The following RTEL1 variants were observed in gnomAD, a reference collection of about 807,000 sequenced individuals.
RTEL1 encodes regulator of telomere length.
In RTEL1, 86 loss-of-function variants were observed where a neutral mutation model predicts 162.2. That is an observed-to-expected ratio of 0.53 (90% CI 0.45 to 0.63). RTEL1 has a LOEUF of 0.63. Ranked by LOEUF, RTEL1 falls within the 30% of genes least tolerant of loss-of-function variation. RTEL1 has a pLI of 0.00. For synonymous variants in RTEL1, 958 were observed against 717.9 expected, an observed-to-expected ratio of 1.33 and a Z score of -5.35; for missense variants, 1,941 against 1,750.2, an observed-to-expected ratio of 1.11 and a Z score of -1.95.
intron 27 of RTEL1, among the ~76,000 whole-genome samples, chr20:63,691,209 C>T (rs995799900): frequency 2.0e-5 from 3 of 152,044 alleles, no homozygotes; most frequent in Admixed American, 6.5e-5. Context: ...GGTTCTCTGG[C>T]GGGTCAGCTT....
At chr20:63,659,565 G>A in intron 2 of RTEL1, 61 bp downstream of exon 2, 2 of 1,283,270 alleles carry the variant, frequency 1.6e-6, no homozygotes, top group South Asian at 1.2e-5. Flanking sequence ...AGGACGGGGT[G>A]TGCTTCCCTC....
chr20:63,690,791 G>A lies in RTEL1; in HGVS notation c.2414-14G>A, dbSNP rs770111225. 133 of 1,595,930 alleles carry A rather than the reference G, an allele frequency of 8.3e-5. No individual in the cohort carries two copies. Among genetic ancestry groups the A allele is most frequent in the Non-Finnish European group, 1.1e-4 (126 of 1,173,294 alleles). On this transcript the variant is annotated splice_polypyrimidine_tract_variant and intron_variant, in intron 26 of 34. Transcript: ENST00000360203. ...CCCCCGTGGGCTTCACTGCGCACTC[G>A]GGTGCCCCTGCAGGGTCACCAGCTG... is the stretch of plus-strand genomic sequence containing the variant.
chr20:63,689,130 A>C lies in RTEL1; in HGVS notation c.1876A>C (p.Lys626Gln). ...GATFLAVCRG[K>Q]ASEGLDFSDT... ...CACCTTCCTGGCGGTCTGCCGGGGCAAGGTGAGCTCTCCAGGGCCCTCTGC... is the reference window on the plus strand; with the variant it reads ...CACCTTCCTGGCGGTCTGCCGGGGCCAGGTGAGCTCTCCAGGGCCCTCTGC... The change falls in exon 22 of 35, where the codon AAG (lysine) becomes CAG (glutamine). Residue 626 changes from lysine to glutamine, a missense_variant and splice_region_variant. By Grantham distance (53) the Lys-to-Gln change is moderately conservative. Transcript: ENST00000360203. 2 of 1,608,814 alleles carry C rather than the reference A, an allele frequency of 1.2e-6. No individual in the cohort carries two copies. Among genetic ancestry groups the C allele is most frequent in the Non-Finnish European group, 1.7e-6 (2 of 1,179,798 alleles).
At chr20:63,689,420 C>T (rs866197051) in intron 22 of RTEL1, 82 bp from the exon 23 acceptor site, 78 of 1,429,436 alleles carry the variant, frequency 5.5e-5, no homozygotes, top group Non-Finnish European at 6.2e-5. Flanking sequence ...GACGGAGCCT[C>T]GGGGAAGGTG....
intron 30 of RTEL1, among the ~76,000 whole-genome samples, chr20:63,693,484 C>CCACCAGCACCAGCAG (rs2090844159): frequency 1.1e-5 from 1 of 86,976 alleles, no homozygotes; most frequent in Middle Eastern, 5.8e-3. Flanking sequence ...TCCACCTCCA[C>CCACCAGCACCAGCAG]CACCACCTCC....
intron 6 of RTEL1, among the ~76,000 whole-genome samples, chr20:63,665,455 GC>G (rs904100053): frequency 6.6e-6 from 1 of 152,226 alleles, no homozygotes; most frequent in Non-Finnish European, 1.5e-5. Context: ...GCCAGTACAG[GC>G]AGTGTCCTTT....
chr20:63,666,156 T>C, intron 7 of RTEL1, 77 bp downstream of exon 7: 1 of 1,134,922 alleles, frequency 8.8e-7, no homozygotes, highest in South Asian at 1.3e-5. Context: ...GGCCCGGATA[T>C]ATTTCTTCAC....
chr20:63,691,232 T>G (rs1341131751), intron 27 of RTEL1, among the ~76,000 whole-genome samples: 1 of 151,670 alleles, frequency 6.6e-6, no homozygotes, highest in African/African-American at 2.4e-5. Context: ...CTCAGTGCAC[T>G]CAAGGTCGGG....
chr20:63,666,682 C>T (rs1300154715), intron 7 of RTEL1, among the ~76,000 whole-genome samples: 1 of 151,912 alleles, frequency 6.6e-6, no homozygotes, highest in African/African-American at 2.4e-5. Context: ...ACTGCAGGCA[C>T]ACACCACCAT....
chr20:63,678,236 G>C (rs199983541), intron 11 of RTEL1, 32 bp from the exon 12 acceptor site: 9 of 1,612,546 alleles, frequency 5.6e-6, no homozygotes, highest in Non-Finnish European at 7.6e-6. Context: ...TCCTCCTTGC[G>C]AGGAGGTGGG....
Position 63,693,019 on chromosome 20 carries a change from G to A in RTEL1, c.2851+16G>A. On this transcript the variant is annotated intron_variant, in intron 29 of 34. Coordinates refer to ENST00000360203, the MANE Select transcript of RTEL1 (RefSeq NM_001283009.2). ...CTGCTCCAAGGTGCCCTGGCTTGCA[G>A]AGGCCACCCACCCTGAGGGCAGTGC... 1 of 1,612,182 alleles carries A rather than the reference G, an allele frequency of 6.2e-7. No individual in the cohort carries two copies. The highest frequency in any genetic ancestry group is 1.1e-5 in the South Asian group (1 of 91,080).
At chr20:63,664,027 G>A (rs996220338) in intron 6 of RTEL1, among the ~76,000 whole-genome samples, 1 of 152,186 alleles carries the variant, frequency 6.6e-6, no homozygotes, top group Admixed American at 6.5e-5. Context: ...CCTCTGTGTT[G>A]CTTCTTGTTC....
At chr20:63,683,375 A>C (rs755325817) in intron 14 of RTEL1, among the ~76,000 whole-genome samples, 43 of 152,190 alleles carry the variant, frequency 2.8e-4, no homozygotes, top group Non-Finnish European at 5.3e-4. Flanking sequence ...CCCGTGGGCC[A>C]AATGCTTTGG....
intron 6 of RTEL1, 125 bp downstream of exon 6, chr20:63,663,014 G>T: frequency 1.1e-6 from 1 of 908,328 alleles, no homozygotes. Context: ...CATGTACCTG[G>T]GCCCTGTCTT....
In RTEL1 at chr20:63,694,917, C is replaced by T. The variant is rs547956753; in HGVS notation, c.3286C>T (p.Leu1096=). 2.4e-5 allele frequency: 39 copies of T among 1,612,640 alleles called. No homozygotes were observed. The East Asian group carries it at 4.7e-4, about 19-fold the overall frequency. ...YKQDDDLDKV[L]AVLAALTTAK... is the part of the protein sequence containing the mutation. ...GCAAGACGACGACCTCGACAAGGTGCTGGCTGTGTTGGCCGCCCTGACCAC... is the reference window on the plus strand; with the variant it reads ...GCAAGACGACGACCTCGACAAGGTGTTGGCTGTGTTGGCCGCCCTGACCAC... Residue 1096 remains leucine, a synonymous_variant, in exon 32 of 35, where the codon CTG becomes TTG. Transcript: ENST00000360203.
chr20:63,683,612 C>T (rs547199028), intron 14 of RTEL1, among the ~76,000 whole-genome samples: 14 of 152,332 alleles, frequency 9.2e-5, no homozygotes, highest in East Asian at 3.9e-4. Flanking sequence ...TCGGCTTCTC[C>T]GCATTTCTGT....
At chr20:63,691,637 G>T in intron 27 of RTEL1, 105 bp from the exon 28 acceptor site, 3 of 958,822 alleles carry the variant, frequency 3.1e-6, no homozygotes, top group Non-Finnish European at 4.9e-6. Context: ...CCTCCATCTT[G>T]GCTCAGGGCT....
At chr20:63,689,970 T>C in intron 24 of RTEL1, 105 bp downstream of exon 24, 1 of 1,552,902 alleles carries the variant, frequency 6.4e-7, no homozygotes, top group African/African-American at 1.3e-5. Context: ...CTCCAGAGCC[T>C]CTCCGGCTAC....
At chr20:63,688,208 C>A (rs2777940) in intron 19 of RTEL1, 29 bp downstream of exon 19, 11 of 1,610,762 alleles carry the variant, frequency 6.8e-6, no homozygotes, top group Non-Finnish European at 9.3e-6. Flanking sequence ...CCAGCTGTGC[C>A]CATCCTGGAT....
Sources: gnomAD v4.1 joint callset for allele counts (sites outside exome capture counted in the v4.1 genomes callset) on GRCh38, gnomAD v4.1.1 for gene constraint, MANE v1.5 for transcripts, NCBI Gene and HGNC (gene_info 2026-07-23, HGNC 2026-07-21) for gene names.